The following BRCA1 variants were observed in gnomAD, a reference collection of about 807,000 sequenced individuals.
The protein encoded by BRCA1 is breast cancer type 1 susceptibility protein.
BRCA1 carries 140 observed loss-of-function variants against 173.7 expected under a neutral mutation model. That is an observed-to-expected ratio of 0.81 (90% CI 0.70 to 0.93). The LOEUF is 0.93. Ranked by LOEUF, BRCA1 falls within the 40% of genes least tolerant of loss-of-function variation. The pLI, the probability that BRCA1 is intolerant of heterozygous loss-of-function variation, is 0.00. For synonymous variants in BRCA1, 662 were observed against 756.0 expected, an observed-to-expected ratio of 0.88 and a Z score of 2.04; for missense variants, 1,983 against 2,172.5, an observed-to-expected ratio of 0.91 and a Z score of 1.73.
At chr17:43,139,190 TA>T (rs55750914) in intron 1 of BRCA1, among the ~76,000 whole-genome samples, 5,482 of 145,978 alleles carry the variant, frequency 0.038, 130 homozygotes, top group Non-Finnish European at 0.053. Flanking sequence ...TTTTTTTTTT[TA>T]AATTTATCAT....
chr17:43,089,385 T>A (rs980207568), intron 11 of BRCA1, among the ~76,000 whole-genome samples: 2 of 152,124 alleles, frequency 1.3e-5, no homozygotes, highest in African/African-American at 4.8e-5. Flanking sequence ...TTTTTAGACG[T>A]TGTGATACAG....
At chr17:43,064,817 T>C (rs1486856120) in intron 16 of BRCA1, among the ~76,000 whole-genome samples, 1 of 149,670 alleles carries the variant, frequency 6.7e-6, no homozygotes, top group African/African-American at 2.5e-5. Context: ...CTACTTTAGA[T>C]TTGATTTGCA....
intron 16 of BRCA1, among the ~76,000 whole-genome samples, 190 bp from the exon 17 acceptor site, chr17:43,064,141 G>T (rs2051948844): frequency 6.6e-6 from 1 of 152,148 alleles, no homozygotes; most frequent in South Asian, 2.1e-4. Flanking sequence ...TGGATATTTG[G>T]AAGTCTAGGG....
At chr17:43,169,667 C>T (rs1390718664) in intron 1 of BRCA1, among the ~76,000 whole-genome samples, 1 of 151,152 alleles carries the variant, frequency 6.6e-6, no homozygotes, top group Non-Finnish European at 1.5e-5. Context: ...CATAAGAATA[C>T]CCATCTGCCT....
intron 21 of BRCA1, among the ~76,000 whole-genome samples, chr17:43,048,242 G>T (rs561974843): frequency 1.3e-5 from 2 of 151,266 alleles, no homozygotes; most frequent in Non-Finnish European, 3.0e-5. Flanking sequence ...TCGCTCTGTC[G>T]CCCGGGCTGG....
chr17:43,146,299 CTTTTTTTTTTTTTTTTT>C, intron 1 of BRCA1, among the ~76,000 whole-genome samples: 1 of 76,114 alleles, frequency 1.3e-5, no homozygotes, highest in East Asian at 4.0e-4. Context: ...ATTTTTGTTA[CTTTTTTTTTTTTTTTTT>C]TTTTTTTTTT....
At chr17:43,115,673 G>A in intron 3 of BRCA1, 53 bp downstream of exon 3, 1 of 1,558,822 alleles carries the variant, frequency 6.4e-7, no homozygotes. Context: ...CCTGGGTTAT[G>A]AAGGACAAAA....
chr17:43,099,479 T>A (rs1217267325), intron 7 of BRCA1, among the ~76,000 whole-genome samples: 1 of 148,764 alleles, frequency 6.7e-6, no homozygotes, highest in African/African-American at 2.5e-5. Flanking sequence ...CCATGTTGGC[T>A]AGGCTGGTCT....
chr17:43,093,372 T>A lies in BRCA1; in HGVS notation c.2159A>T (p.Glu720Val), dbSNP rs2053814550. Residue 720 changes from glutamate to valine, a missense_variant, in exon 10 of 23, where the codon GAA becomes GTA. Coordinates refer to ENST00000357654, the MANE Select transcript of BRCA1 (RefSeq NM_007294.4). ...TCTTGGAAGGCTAGGATTGACAAATTCTTTAAGTTCACTGGTATTTGAACA... is the reference window on the plus strand; with the variant it reads ...TCTTGGAAGGCTAGGATTGACAAATACTTTAAGTTCACTGGTATTTGAACA... ...TKCSNTSELK[E>V]FVNPSLPREE... 1 of 1,613,930 alleles carries A rather than the reference T, an allele frequency of 6.2e-7. No homozygotes were observed. The highest frequency in any genetic ancestry group is 1.3e-5 in the African/African-American group (1 of 74,936).
At chr17:43,111,674 T>A (rs2055042149) in intron 3 of BRCA1, among the ~76,000 whole-genome samples, 1 of 151,562 alleles carries the variant, frequency 6.6e-6, no homozygotes, top group African/African-American at 2.4e-5. Flanking sequence ...ACAAAAAAAT[T>A]AGCTGGGCGT....
In BRCA1 at chr17:43,045,690, G is replaced by T; in HGVS notation, c.5580C>A (p.His1860Gln). The change falls in exon 23 of 23, where the codon CAC (histidine) becomes CAA (glutamine). Residue 1860 changes from histidine to glutamine, a missense_variant. Coordinates refer to ENST00000357654, the MANE Select transcript of BRCA1 (RefSeq NM_007294.4). ...LDTYLIPQIPHSHY is the reference protein window; with the variant it reads ...LDTYLIPQIPQSHY ...TGGCTGGCTGCAGTCAGTAGTGGCT[G>T]TGGGGGATCTGGGGTATCAGGTAGG... 1 of 1,613,830 alleles carries T rather than the reference G, an allele frequency of 6.2e-7. No individual in the cohort carries two copies. The highest frequency in any genetic ancestry group is 8.5e-7 in the Non-Finnish European group (1 of 1,179,804).
chr17:43,069,955 C>T (rs2052312070), intron 15 of BRCA1, among the ~76,000 whole-genome samples: 2 of 152,126 alleles, frequency 1.3e-5, no homozygotes. Context: ...ATTATTGAGA[C>T]AGAGTTTCGC....
In BRCA1 at chr17:43,067,543, C is replaced by T. The variant is rs8176235; in HGVS notation, c.5074+65G>A. The T allele has an allele frequency of 0.27, 364,798 of 1,362,902 alleles. 51,570 individuals carry two copies. Among genetic ancestry groups the T allele is most frequent in the South Asian group, 0.46 (39,591 of 85,628 alleles). 84.4% of individuals were successfully genotyped at this position (1,362,902 alleles called of 1,614,324 possible). ...TGCTGCGATTACAGGCATGCGCCAC[C>T]GTGCCTCGCCTCATGTGGTTTTATG... is the stretch of plus-strand genomic sequence containing the variant. On this transcript the variant is annotated intron_variant, in intron 16 of 22. Transcript: ENST00000357654.
intron 3 of BRCA1, among the ~76,000 whole-genome samples, chr17:43,111,816 C>T (rs900785484): frequency 1.3e-5 from 2 of 152,068 alleles, no homozygotes; most frequent in East Asian, 1.9e-4. Flanking sequence ...AGCGAGACTC[C>T]GTCTCAAAAC....
At chr17:43,067,812 G>A (rs1348682200) in intron 15 of BRCA1, 117 bp from the exon 16 acceptor site, 18 of 686,394 alleles carry the variant, frequency 2.6e-5, no homozygotes, top group East Asian at 1.6e-4. Flanking sequence ...CGTTCTACAC[G>A]TGTCCTGGAA....
At position 43,063,379 on chromosome 17, in the gene BRCA1, G is replaced by A. The variant is rs80358129; in HGVS notation, c.5153-6C>T. ...TTTAATAGACTGGGTCACCCCTAAA[G>A]AGATCATAGAAAAGACAGGTTACAT... On this transcript the variant is annotated splice_polypyrimidine_tract_variant and splice_region_variant and intron_variant, in intron 17 of 22. Coordinates refer to ENST00000357654, the MANE Select transcript of BRCA1 (RefSeq NM_007294.4). 8 of 1,610,316 alleles carry A rather than the reference G, an allele frequency of 5.0e-6. No homozygotes were observed. The highest frequency in any genetic ancestry group is 6.8e-6 in the Non-Finnish European group (8 of 1,177,126).
chr17:43,157,560 G>T (rs756555791), intron 1 of BRCA1, among the ~76,000 whole-genome samples: 2 of 151,988 alleles, frequency 1.3e-5, no homozygotes, highest in African/African-American at 2.4e-5. Context: ...GCTGGGCATG[G>T]TGGCACACGC....
At chr17:43,054,212 A>G (rs2051366305) in intron 19 of BRCA1, among the ~76,000 whole-genome samples, 1 of 152,314 alleles carries the variant, frequency 6.6e-6, no homozygotes, top group East Asian at 1.9e-4. Context: ...ACTGGCTCAC[A>G]TGGCGCTCCC....
intron 12 of BRCA1, 78 bp downstream of exon 12, chr17:43,082,326 T>A (rs2154142302): frequency 2.1e-6 from 3 of 1,462,046 alleles, no homozygotes; most frequent in East Asian, 4.5e-5. Flanking sequence ...TGGAGCTAGG[T>A]CCTTACTCTT....
Sources: allele counts gnomAD v4.1 joint callset (sites outside exome capture counted in the v4.1 genomes callset), GRCh38; gene constraint gnomAD v4.1.1; transcripts MANE v1.5; gene names NCBI Gene and HGNC (gene_info 2026-07-23, HGNC 2026-07-21).